The following CREB5 variants were observed in gnomAD, a reference collection of about 807,000 sequenced individuals.
The protein encoded by CREB5 is cyclic AMP-responsive element-binding protein 5.
In CREB5, 19 loss-of-function variants were observed where a neutral mutation model predicts 57.1. The ratio of observed to expected loss-of-function variants is 0.33; its 90% CI spans 0.23 to 0.49. The LOEUF is 0.49. Among genes scored for constraint, CREB5 ranks in the 20% least tolerant of loss-of-function variants. The pLI, the probability that CREB5 is intolerant of heterozygous loss-of-function variation, is 0.99. For synonymous variants in CREB5, 238 were observed against 238.3 expected (o/e 1.00, Z 0.01); for missense variants, 579 against 671.6 (o/e 0.86, Z 1.52).
chr7:28,603,578 T>C (rs1797004372), intron 5 of CREB5, among the ~76,000 whole-genome samples: 1 of 152,136 alleles, frequency 6.6e-6, no homozygotes, highest in South Asian at 2.1e-4. Context: ...CCCAACCAGG[T>C]GGAAGTTGTC....
chr7:28,480,224 A>AT (rs2128589056), intron 1 of CREB5, among the ~76,000 whole-genome samples: 1 of 152,328 alleles, frequency 6.6e-6, no homozygotes, highest in African/African-American at 2.4e-5. Flanking sequence ...ACGTGTTCCA[A>AT]TTCTAAAGAG....
chr7:28,397,141 A>G (rs1478210583), intron 1 of CREB5, among the ~76,000 whole-genome samples: 1 of 152,108 alleles, frequency 6.6e-6, no homozygotes, highest in Non-Finnish European at 1.5e-5. Context: ...AATACAGAGG[A>G]AAAAAACTCC....
At chr7:28,311,911 G>C (rs1785286217) in intron 1 of CREB5, among the ~76,000 whole-genome samples, 1 of 152,166 alleles carries the variant, frequency 6.6e-6, no homozygotes, top group Non-Finnish European at 1.5e-5. Flanking sequence ...CGCTGGTGTG[G>C]CTCCTCCCAT....
intron 5 of CREB5, among the ~76,000 whole-genome samples, chr7:28,666,000 A>G (rs565141826): frequency 6.6e-6 from 1 of 152,310 alleles, no homozygotes; most frequent in East Asian, 1.9e-4. Flanking sequence ...TAAAGAAAAA[A>G]CAGTAAGAAA....
At chr7:28,620,694 C>A (rs1394547460) in intron 5 of CREB5, among the ~76,000 whole-genome samples, 2 of 152,170 alleles carry the variant, frequency 1.3e-5, no homozygotes, top group Non-Finnish European at 2.9e-5. Flanking sequence ...ACATCCAGAG[C>A]CGCTACGGTC....
intron 5 of CREB5, among the ~76,000 whole-genome samples, chr7:28,588,606 C>A (rs1362509215): frequency 6.6e-6 from 1 of 152,178 alleles, no homozygotes; most frequent in Non-Finnish European, 1.5e-5. Context: ...ATCCTTCATT[C>A]AGCAAATATT....
In CREB5 at chr7:28,745,355, T is replaced by C. The variant is rs181009523; in HGVS notation, c.702+21023T>C. On this transcript the variant is annotated intron_variant, in intron 7 of 10. Transcript: ENST00000357727. ...GGAATAGATTTTGAGGTCCTTGTGC[T>C]GTATCTCTACATTTGTAACCCAATG... Among the ~76,000 whole-genome samples, 68 of 152,362 alleles carry C rather than the reference T, an allele frequency of 4.5e-4. No homozygotes were observed. In the East Asian group the frequency reaches 0.013, roughly 28 times the overall value.
At chr7:28,769,044 G>A (rs1231925442) in intron 7 of CREB5, among the ~76,000 whole-genome samples, 1 of 152,158 alleles carries the variant, frequency 6.6e-6, no homozygotes, top group Non-Finnish European at 1.5e-5. Context: ...TCATTCCTCT[G>A]GTACACTAAA....
intron 5 of CREB5, among the ~76,000 whole-genome samples, chr7:28,666,693 G>A (rs556383989): frequency 6.6e-5 from 10 of 152,070 alleles, no homozygotes; most frequent in Non-Finnish European, 1.5e-4. Flanking sequence ...TGGGCATGGT[G>A]GTTCACGCCT....
chr7:28,789,051 G>A (rs1211159646), intron 7 of CREB5, among the ~76,000 whole-genome samples: 1 of 152,164 alleles, frequency 6.6e-6, no homozygotes, highest in East Asian at 1.9e-4. Context: ...GAGTCCTACT[G>A]GTTTTTCTGA....
At chr7:28,441,867 T>C (rs2128561024) in intron 1 of CREB5, among the ~76,000 whole-genome samples, 1 of 152,354 alleles carries the variant, frequency 6.6e-6, no homozygotes, top group Non-Finnish European at 1.5e-5. Flanking sequence ...CAGAGTGATA[T>C]TTTGTATCAC....
intron 5 of CREB5, among the ~76,000 whole-genome samples, chr7:28,626,406 C>T (rs778334438): frequency 1.2e-4 from 19 of 152,134 alleles, no homozygotes; most frequent in Non-Finnish European, 2.5e-4. Flanking sequence ...TGTGTTAACC[C>T]ACCCATCCTC....
At chr7:28,380,907 T>C (rs981975886) in intron 1 of CREB5, among the ~76,000 whole-genome samples, 4 of 152,118 alleles carry the variant, frequency 2.6e-5, no homozygotes, top group African/African-American at 9.7e-5. Flanking sequence ...AGCACAGCAA[T>C]AGTAAGGGGT....
At chr7:28,522,161 C>T (rs1464194303) in intron 4 of CREB5, among the ~76,000 whole-genome samples, 1 of 152,254 alleles carries the variant, frequency 6.6e-6, no homozygotes, top group Admixed American at 6.5e-5. Context: ...TGCTGAAAGT[C>T]ATGAAGCTAG....
intron 5 of CREB5, among the ~76,000 whole-genome samples, chr7:28,594,614 G>A (rs1421095956): frequency 6.6e-6 from 1 of 152,198 alleles, no homozygotes; most frequent in Non-Finnish European, 1.5e-5. Flanking sequence ...TGGACACATC[G>A]TGTGCTTGGA....
intron 1 of CREB5, among the ~76,000 whole-genome samples, chr7:28,331,499 A>G (rs1785715931): frequency 6.6e-6 from 1 of 152,118 alleles, no homozygotes; most frequent in Non-Finnish European, 1.5e-5. Context: ...GGGAACTACT[A>G]CAGACGTGTG....
intron 5 of CREB5, among the ~76,000 whole-genome samples, chr7:28,673,094 G>C (rs893339066): frequency 6.6e-6 from 1 of 152,122 alleles, no homozygotes. Flanking sequence ...CTACTGTTGA[G>C]CAAAATTTGG....
intron 1 of CREB5, among the ~76,000 whole-genome samples, chr7:28,361,499 G>T (rs1786482646): frequency 6.6e-6 from 1 of 152,198 alleles, no homozygotes; most frequent in Non-Finnish European, 1.5e-5. Context: ...TAGGTGGTGG[G>T]CATATGACCT....
chr7:28,809,721 A>G (rs1284793386), intron 9 of CREB5, among the ~76,000 whole-genome samples: 2 of 152,366 alleles, frequency 1.3e-5, no homozygotes, highest in East Asian at 1.9e-4. Context: ...ATTACTTGCT[A>G]GGCTTAACTC....
Sources: allele counts gnomAD v4.1 joint callset (sites outside exome capture counted in the v4.1 genomes callset), GRCh38; gene constraint gnomAD v4.1.1; transcripts MANE v1.5; gene names NCBI Gene and HGNC (gene_info 2026-07-23, HGNC 2026-07-21).